The following TAOK1 variants were observed in gnomAD, a reference collection of about 807,000 sequenced individuals.
TAOK1 encodes the protein serine/threonine-protein kinase TAO1.
Under a neutral mutation model 138.3 loss-of-function variants are expected in TAOK1, and 21 were observed. The ratio of observed to expected loss-of-function variants is 0.15; its 90% CI spans 0.11 to 0.22. The LOEUF (loss-of-function observed/expected upper bound fraction) is 0.22, where lower values mean the gene tolerates loss of function less well. TAOK1 is among the 10% of genes least tolerant of loss of function. TAOK1 has a pLI of 1.00. For missense variants in TAOK1, 651 were observed against 1,227.7 expected, an observed-to-expected ratio of 0.53 and a Z score of 7.02; for synonymous variants, 361 against 398.4, an observed-to-expected ratio of 0.91 and a Z score of 1.12.
chr17:29,437,173 C>G (rs752540162), intron 1 of TAOK1, among the ~76,000 whole-genome samples: 21 of 152,254 alleles, frequency 1.4e-4, no homozygotes, highest in East Asian at 3.9e-4. Flanking sequence ...AAGCGATTCT[C>G]CTGCCTCAGC....
At chr17:29,432,038 G>T (rs575012055) in intron 1 of TAOK1, among the ~76,000 whole-genome samples, 2 of 152,092 alleles carry the variant, frequency 1.3e-5, no homozygotes, top group Non-Finnish European at 2.9e-5. Flanking sequence ...CAGCTCGGTT[G>T]TGGAGATCCT....
rs373932658 is a variant in TAOK1, at chr17:29,502,668, A to G, written c.1283A>G (p.His428Arg). Residue 428 changes from histidine to arginine, a missense_variant, in exon 13 of 20, where the codon CAC becomes CGC. Around this residue, in one of 8 missense-constraint regions of TAOK1, gnomAD observed 104 missense variants for 151.7 expected, o/e 0.69. Transcript: ENST00000261716. Reference protein sequence around the residue: ...DPQSPPQVSRHKSHYRNREHF... With the variant: ...DPQSPPQVSRRKSHYRNREHF... ...CAATCTCCACCCCAAGTATCTCGTC[A>G]CAAATCACACTATCGTAATCGAGAA... The G allele has an allele frequency of 1.2e-6, 2 of 1,614,036 alleles. No homozygotes were observed. The highest frequency in any genetic ancestry group is 8.5e-7 in the Non-Finnish European group (1 of 1,179,996).
chr17:29,422,297 G>A (rs1013428406), intron 1 of TAOK1, among the ~76,000 whole-genome samples: 2 of 151,808 alleles, frequency 1.3e-5, no homozygotes, highest in African/African-American at 4.8e-5. Flanking sequence ...CCCAACTCCT[G>A]GGTTTAAGCG....
intron 2 of TAOK1, among the ~76,000 whole-genome samples, chr17:29,454,787 G>A (rs2030333302): frequency 6.6e-6 from 1 of 151,198 alleles, no homozygotes; most frequent in South Asian, 2.1e-4. Context: ...CTGCAGCCTC[G>A]GCCTCCTGGG....
At chr17:29,512,921 A>T (rs964113807) in intron 15 of TAOK1, 1 of 151,880 alleles carries the variant, frequency 6.6e-6, no homozygotes, top group African/African-American at 2.4e-5. Context: ...TGACCTCATG[A>T]TCTGCTCGCC....
chr17:29,402,898 G>A (rs1904889441), intron 1 of TAOK1, among the ~76,000 whole-genome samples: 1 of 151,590 alleles, frequency 6.6e-6, no homozygotes, highest in Admixed American at 6.6e-5. Context: ...AATTAGGCCC[G>A]GCGCAGTGGC....
At chr17:29,498,730 C>T (rs950791969) in intron 12 of TAOK1, among the ~76,000 whole-genome samples, 8 of 151,962 alleles carry the variant, frequency 5.3e-5, no homozygotes, top group African/African-American at 1.9e-4. Context: ...CCAGCCTGGC[C>T]GACATGGTGA....
intron 3 of TAOK1, among the ~76,000 whole-genome samples, chr17:29,472,256 G>GTTT (rs36070425): frequency 4.2e-5 from 6 of 142,836 alleles, no homozygotes; most frequent in East Asian, 2.0e-4. Flanking sequence ...GCCGTTGTGT[G>GTTT]TTTTTTTTTT....
intron 1 of TAOK1, among the ~76,000 whole-genome samples, chr17:29,408,189 T>G (rs1219755351): frequency 6.6e-6 from 1 of 151,770 alleles, no homozygotes; most frequent in Non-Finnish European, 1.5e-5. Context: ...AGTGGTGGTA[T>G]TACAGGTGTG....
rs1411235090 is a variant in TAOK1 at position 29,547,747 on chromosome 17, A to T, written c.*4725A>T. 1 of 152,108 alleles carries T rather than the reference A, an allele frequency of 6.6e-6. No individual in the cohort carries two copies. The highest frequency in any genetic ancestry group is 1.5e-5 in the Non-Finnish European group (1 of 67,974). 9.4% of individuals were successfully genotyped at this position (152,108 alleles called of 1,614,324 possible). ...TCTATTTTGTTTTCCCCCATCTAAC[A>T]TGATAGTGCCCCCAACCAGGTTGTA... On this transcript the variant is annotated 3_prime_UTR_variant, in exon 20 of 20. Transcript: ENST00000261716.
In TAOK1 at chr17:29,471,108, A is replaced by G. The variant is rs1461900399; in HGVS notation, c.204+3892A>G. Among the ~76,000 whole-genome samples, 3 of 151,802 alleles carry G rather than the reference A, an allele frequency of 2.0e-5. No homozygotes were observed. In the South Asian group the frequency reaches 6.2e-4, roughly 32 times the overall value. On this transcript the variant is annotated intron_variant, in intron 3 of 19. Coordinates refer to ENST00000261716, the MANE Select transcript of TAOK1 (RefSeq NM_020791.4). Reference sequence around the variant, plus strand: ...AGGAGGCGAAGGCTGCAGTGAGTCAAGATTGTGCCACTGCACTCCAGCCTG... The same window carrying G: ...AGGAGGCGAAGGCTGCAGTGAGTCAGGATTGTGCCACTGCACTCCAGCCTG...
intron 1 of TAOK1, among the ~76,000 whole-genome samples, chr17:29,432,819 C>A (rs148052115): frequency 6.6e-6 from 1 of 151,578 alleles, no homozygotes; most frequent in Non-Finnish European, 1.5e-5. Flanking sequence ...TGCTCTGTCT[C>A]TCAGATCATA....
chr17:29,522,532 T>C lies in TAOK1; in HGVS notation c.2148+13T>C. On this transcript the variant is annotated intron_variant, in intron 17 of 19. Transcript: ENST00000261716. The stretch of plus-strand genomic sequence containing the variant: ...TAAGAGTTTGAAGGTATGGTTAGCC[T>C]AAGCTTTTTGATAACAGGGAGGAGA... The C allele has an allele frequency of 2.5e-6, 4 of 1,613,440 alleles. No homozygotes were observed. The highest frequency in any genetic ancestry group is 3.4e-6 in the Non-Finnish European group (4 of 1,179,548).
At chr17:29,463,612 A>T (rs1329947253) in intron 2 of TAOK1, among the ~76,000 whole-genome samples, 1 of 152,156 alleles carries the variant, frequency 6.6e-6, no homozygotes, top group Admixed American at 6.6e-5. Context: ...GAGAGACGTA[A>T]GTTTAACAGT....
intron 1 of TAOK1, among the ~76,000 whole-genome samples, chr17:29,439,919 G>A (rs1399312384): frequency 6.7e-6 from 1 of 149,364 alleles, no homozygotes; most frequent in South Asian, 2.2e-4. Context: ...TAATATAATA[G>A]TGGGGAGTTA....
At chr17:29,533,968 A>C (rs1292951527) in intron 18 of TAOK1, 150 bp from the exon 19 acceptor site, 1 of 677,026 alleles carries the variant, frequency 1.5e-6, no homozygotes, top group Non-Finnish European at 2.2e-6. Flanking sequence ...TTTTTCAGAG[A>C]TGTTTACTCC....
In TAOK1 at chr17:29,516,159, C is replaced by T. The variant is rs183369319; in HGVS notation, c.1705-1294C>T. ...TATTTTTAGTAGAGATAGGGTTTCTCTATGTTGGTCAAGCTGGTCTTGCGC... is the reference window on the plus strand; with the variant it reads ...TATTTTTAGTAGAGATAGGGTTTCTTTATGTTGGTCAAGCTGGTCTTGCGC... On this transcript the variant is annotated intron_variant, in intron 15 of 19. Coordinates refer to ENST00000261716, the MANE Select transcript of TAOK1 (RefSeq NM_020791.4). Among the ~76,000 whole-genome samples, 378 of 151,826 alleles carry T rather than the reference C, an allele frequency of 2.5e-3. 1 individual carries two copies. The highest frequency in any genetic ancestry group is 4.1e-3 in the Non-Finnish European group (280 of 67,952).
intron 9 of TAOK1, among the ~76,000 whole-genome samples, chr17:29,490,327 C>A (rs1454051079): frequency 6.6e-6 from 1 of 151,900 alleles, no homozygotes; most frequent in Non-Finnish European, 1.5e-5. Flanking sequence ...GGTTTATGGA[C>A]AACAGATTGA....
At chr17:29,539,642 G>T (rs887706785) in intron 19 of TAOK1, among the ~76,000 whole-genome samples, 1 of 152,130 alleles carries the variant, frequency 6.6e-6, no homozygotes, top group Non-Finnish European at 1.5e-5. Context: ...CTCCATGTTG[G>T]TCAGGCTGGT....
Sources: gnomAD v4.1 joint callset for allele counts (sites outside exome capture counted in the v4.1 genomes callset) on GRCh38, gnomAD v4.1.1 for gene constraint, gnomAD v4.1.1 regional missense constraint, MANE v1.5 for transcripts, NCBI Gene and HGNC (gene_info 2026-07-23, HGNC 2026-07-21) for gene names.